TRIM37: variants seen among roughly 807,000 people sequenced by gnomAD.
TRIM37 encodes the protein tripartite motif containing 37.
A neutral mutation model predicts 129.8 loss-of-function variants in TRIM37; 80 were observed. That is an observed-to-expected ratio of 0.62 (90% confidence interval 0.51 to 0.74). TRIM37 has a LOEUF of 0.74. Among genes scored for constraint, TRIM37 ranks in the 30% least tolerant of loss-of-function variants. The pLI is 0.00. For synonymous variants in TRIM37, 389 were observed against 387.1 expected, an observed-to-expected ratio of 1.00 and a Z score of -0.06; for missense variants, 1,054 against 1,176.5, an observed-to-expected ratio of 0.90 and a Z score of 1.52.
At chr17:59,025,838 T>C (rs927378381) in intron 19 of TRIM37, among the ~76,000 whole-genome samples, 2 of 152,212 alleles carry the variant, frequency 1.3e-5, no homozygotes, top group Non-Finnish European at 2.9e-5. Flanking sequence ...GGTTTTAATA[T>C]ACCATTTGGT....
chr17:59,045,382 G>C (rs2039673377), intron 16 of TRIM37, among the ~76,000 whole-genome samples: 1 of 151,812 alleles, frequency 6.6e-6, no homozygotes, highest in Non-Finnish European at 1.5e-5. Context: ...GATCACACCT[G>C]TAATTCCAGC....
chr17:59,080,677 GC>G (rs2043179871), intron 6 of TRIM37, among the ~76,000 whole-genome samples: 1 of 152,106 alleles, frequency 6.6e-6, no homozygotes, highest in African/African-American at 2.4e-5. Flanking sequence ...TGTAATCCCA[GC>G]TACTTGGGAG....
Position 59,047,693 on chromosome 17 carries a change from CATCA to C in TRIM37, c.1653_1656del (p.Ile551MetfsTer18). The C allele has an allele frequency of 1.2e-6, 2 of 1,613,450 alleles. No homozygotes were observed. Among genetic ancestry groups the C allele is most frequent in the Non-Finnish European group, 1.7e-6 (2 of 1,179,756 alleles). Reference sequence around the variant, plus strand: ...AAGTGGGAAACTCACATAGTTTCTTCATCAATATCATTTTCTTCTGTATTACTTG... The same window carrying C: ...AAGTGGGAAACTCACATAGTTTCTTCATATCATTTTCTTCTGTATTACTTG... On this transcript the variant is annotated frameshift_variant, in exon 16 of 24. Transcript: ENST00000262294. LOFTEE classifies it high-confidence loss of function.
At chr17:59,017,149 G>A (rs986570105) in intron 20 of TRIM37, 147 bp downstream of exon 20, 6 of 1,025,940 alleles carry the variant, frequency 5.8e-6, no homozygotes, top group Middle Eastern at 3.1e-4. Flanking sequence ...GGGTGACAAA[G>A]TGAGACCCTG....
At chr17:59,030,398 C>T (rs1157119770) in intron 18 of TRIM37, among the ~76,000 whole-genome samples, 1 of 152,206 alleles carries the variant, frequency 6.6e-6, no homozygotes, top group African/African-American at 2.4e-5. Context: ...TGAGCCACTG[C>T]GCCCAGCCCC....
chr17:59,024,467 G>C (rs558584503), intron 19 of TRIM37, among the ~76,000 whole-genome samples: 1 of 152,236 alleles, frequency 6.6e-6, no homozygotes, highest in African/African-American at 2.4e-5. Flanking sequence ...TGAATAAATG[G>C]AGAGAAGTAC....
chr17:58,973,951 CAAAAAAAAAAA>C, the TRIM37 span, among the ~76,000 whole-genome samples: 11 of 55,468 alleles, frequency 2.0e-4, no homozygotes, highest in Admixed American at 4.9e-4. Flanking sequence ...GACTCCATCT[CAAAAAAAAAAA>C]AAAAAAAAAA....
chr17:59,043,387 A>G (rs557044295), intron 16 of TRIM37, among the ~76,000 whole-genome samples: 2 of 152,336 alleles, frequency 1.3e-5, no homozygotes, highest in East Asian at 1.9e-4. Flanking sequence ...AAAAAAATCT[A>G]TAAAAACTGG....
intron 2 of TRIM37, among the ~76,000 whole-genome samples, chr17:59,101,895 C>T (rs769493029): frequency 1.2e-4 from 18 of 149,604 alleles, no homozygotes; most frequent in Non-Finnish European, 2.2e-4. Flanking sequence ...CCCAAGATCA[C>T]GCCACTGCAC....
At chr17:59,075,563 CAAAAAA>C (rs34467573) in intron 8 of TRIM37, 78 bp downstream of exon 8, 101 of 491,272 alleles carry the variant, frequency 2.1e-4, no homozygotes, top group Middle Eastern at 1.3e-3. Flanking sequence ...GACTCCATCT[CAAAAAA>C]AAAAAAAAAA....
intron 5 of TRIM37, 80 bp from the exon 6 acceptor site, chr17:59,081,299 CTA>C: frequency 6.4e-7 from 1 of 1,561,818 alleles, no homozygotes; most frequent in East Asian, 2.3e-5. Flanking sequence ...TCTATGGACA[CTA>C]ATAAACTGGT....
At chr17:58,967,746 A>C in the TRIM37 span, among the ~76,000 whole-genome samples, 1 of 151,212 alleles carries the variant, frequency 6.6e-6, no homozygotes, top group Non-Finnish European at 1.5e-5. Context: ...CGAGTTGTTT[A>C]AAAATGAGTA....
chr17:59,063,874 C>A (rs1019529470), intron 10 of TRIM37, among the ~76,000 whole-genome samples: 1 of 152,190 alleles, frequency 6.6e-6, no homozygotes, highest in Non-Finnish European at 1.5e-5. Context: ...TCACTTTGGG[C>A]AGGGCACCGT....
exon 25 of TRIM37, chr17:58,982,792 C>G: frequency 1.1e-6 from 1 of 889,558 alleles, no homozygotes; most frequent in Non-Finnish European, 1.7e-6. Flanking sequence ...ATGGCCCCAA[C>G]TATAGTGCCG....
intron 5 of TRIM37, among the ~76,000 whole-genome samples, chr17:59,083,479 A>G (rs2043487309): frequency 6.6e-6 from 1 of 152,146 alleles, no homozygotes; most frequent in South Asian, 2.1e-4. Flanking sequence ...ACACGACTTT[A>G]AAATAAAAAA....
At chr17:59,058,242 G>A (rs903283053) in intron 12 of TRIM37, among the ~76,000 whole-genome samples, 3 of 152,200 alleles carry the variant, frequency 2.0e-5, no homozygotes, top group African/African-American at 7.2e-5. Context: ...TGGATGGATG[G>A]AGCTGGAGGC....
chr17:59,099,891 C>T (rs1179683424), intron 2 of TRIM37, among the ~76,000 whole-genome samples: 1 of 152,128 alleles, frequency 6.6e-6, no homozygotes, highest in Non-Finnish European at 1.5e-5. Context: ...ACAACCTCCG[C>T]CTTCTGGATT....
intron 8 of TRIM37, among the ~76,000 whole-genome samples, chr17:59,073,740 C>A (rs1044990727): frequency 2.6e-5 from 4 of 152,224 alleles, no homozygotes; most frequent in African/African-American, 7.2e-5. Context: ...GCTGGGACTA[C>A]AGGTGTACAC....
At chr17:59,008,868 T>TAA (rs1355649583) in intron 22 of TRIM37, among the ~76,000 whole-genome samples, 1 of 152,230 alleles carries the variant, frequency 6.6e-6, no homozygotes, top group African/African-American at 2.4e-5. Flanking sequence ...GTAGAAATGT[T>TAA]AAAGTGTCAC....
Sources: allele counts gnomAD v4.1 joint callset (sites outside exome capture counted in the v4.1 genomes callset), GRCh38; gene constraint gnomAD v4.1.1; transcripts MANE v1.5; gene names NCBI Gene and HGNC (gene_info 2026-07-23, HGNC 2026-07-21).